The following THSD7B variants were observed in gnomAD, a reference collection of about 807,000 sequenced individuals.
THSD7B encodes the protein thrombospondin type 1 domain containing 7B, also known as thrombospondin type-1 domain-containing protein 7B.
Under a neutral mutation model 213.6 loss-of-function variants are expected in THSD7B, and 138 were observed. That is an observed-to-expected ratio of 0.65 (90% confidence interval 0.56 to 0.74). The LOEUF (loss-of-function observed/expected upper bound fraction) is 0.74. Ranked by LOEUF, THSD7B falls within the 30% of genes least tolerant of loss-of-function variation. The pLI is 0.00. For missense variants in THSD7B, 1,931 were observed against 1,991.5 expected (o/e 0.97, Z 0.58); for synonymous variants, 742 against 687.0 (o/e 1.08, Z -1.25).
In THSD7B at chr2:137,273,025, T is replaced by TACACACACACAC. The variant is rs71877881; in HGVS notation, c.2396+397_2396+408dup. Among the ~76,000 whole-genome samples, 27 of 141,064 alleles carry TACACACACACAC rather than the reference T, an allele frequency of 1.9e-4. No homozygotes were observed. The South Asian group carries it at 2.0e-3, about 10-fold the overall frequency. The allele number at this position is 141,064 out of a possible 152,430, so 92.5% of individuals were successfully genotyped here. ...CACACCACACACACGGGAGAAGGAA[T>TACACACACACAC]ACACACACACACACACACACACACA... On this transcript the variant is annotated intron_variant, in intron 11 of 27. Transcript: ENST00000409968.
At chr2:137,636,742 A>G (rs1682840197) in intron 20 of THSD7B, among the ~76,000 whole-genome samples, 1 of 152,222 alleles carries the variant, frequency 6.6e-6, no homozygotes. Flanking sequence ...AAGTACTTGT[A>G]TGTAGTCATA....
At chr2:137,197,671 G>A (rs1272969625) in intron 7 of THSD7B, among the ~76,000 whole-genome samples, 1 of 152,132 alleles carries the variant, frequency 6.6e-6, no homozygotes, top group Non-Finnish European at 1.5e-5. Flanking sequence ...TAGAAATGCT[G>A]TTGTCAGAGA....
intron 7 of THSD7B, among the ~76,000 whole-genome samples, chr2:137,215,194 C>A (rs1681207874): frequency 6.6e-6 from 1 of 152,168 alleles, no homozygotes; most frequent in South Asian, 2.1e-4. Context: ...TGATGACGAG[C>A]TCTTTTTCAT....
chr2:137,470,059 C>T (rs1235047428), intron 15 of THSD7B, among the ~76,000 whole-genome samples: 1 of 152,100 alleles, frequency 6.6e-6, no homozygotes, highest in Non-Finnish European at 1.5e-5. Context: ...ATCTAGAAGA[C>T]TATTTGAAGG....
chr2:137,459,059 G>C (rs985002774), intron 15 of THSD7B, among the ~76,000 whole-genome samples: 1 of 151,898 alleles, frequency 6.6e-6, no homozygotes. Context: ...TTTGAAATCT[G>C]TGTGTCCTTT....
intron 7 of THSD7B, among the ~76,000 whole-genome samples, chr2:137,194,672 T>G (rs929223728): frequency 1.1e-4 from 16 of 152,208 alleles, no homozygotes; most frequent in Admixed American, 1.0e-3. Flanking sequence ...TTATTCCTAT[T>G]CTATCTTTTG....
intron 5 of THSD7B, among the ~76,000 whole-genome samples, chr2:137,156,546 G>A (rs1679912514): frequency 6.6e-6 from 1 of 152,098 alleles, no homozygotes; most frequent in Non-Finnish European, 1.5e-5. Context: ...TAGTTCTAAT[G>A]TTCAACAGTC....
chr2:137,063,823 T>G (rs1687325418), intron 3 of THSD7B, among the ~76,000 whole-genome samples: 1 of 152,056 alleles, frequency 6.6e-6, no homozygotes, highest in Admixed American at 6.6e-5. Context: ...TCCAGTTCCA[T>G]CCATGTTGGT....
chr2:137,423,145 C>G (rs1441494231), intron 14 of THSD7B, among the ~76,000 whole-genome samples: 1 of 151,746 alleles, frequency 6.6e-6, no homozygotes, highest in African/African-American at 2.4e-5. Flanking sequence ...AAAACAAAAG[C>G]AAGTAGGTAT....
chr2:137,494,150 T>G (rs1679505529), intron 15 of THSD7B, among the ~76,000 whole-genome samples: 1 of 152,216 alleles, frequency 6.6e-6, no homozygotes, highest in Non-Finnish European at 1.5e-5. Context: ...TAATCTTTCC[T>G]GTGGAAAATA....
At position 136,981,407 on chromosome 2, in the gene THSD7B, A is replaced by G. The variant is rs574042454; in HGVS notation, c.140-75013A>G. ...TGCTTATTAGTTGTGAGGGTTCACTATCTACCTTAGGTATTTGGTAATTTA... is the reference window on the plus strand; with the variant it reads ...TGCTTATTAGTTGTGAGGGTTCACTGTCTACCTTAGGTATTTGGTAATTTA... On this transcript the variant is annotated intron_variant, in intron 2 of 27. Transcript: ENST00000409968. 7.9e-5 allele frequency among the ~76,000 whole-genome samples: 12 copies of G among 152,336 alleles called. No homozygotes were observed. In the South Asian group the frequency reaches 1.5e-3, roughly 18 times the overall value.
At chr2:137,413,839 C>T (rs1024683019) in intron 14 of THSD7B, among the ~76,000 whole-genome samples, 1 of 152,004 alleles carries the variant, frequency 6.6e-6, no homozygotes, top group Admixed American at 6.6e-5. Context: ...TACAGACTGA[C>T]TTAAAAGGGG....
chr2:137,191,278 A>G (rs943774796), intron 7 of THSD7B, among the ~76,000 whole-genome samples: 1 of 152,068 alleles, frequency 6.6e-6, no homozygotes, highest in Non-Finnish European at 1.5e-5. Flanking sequence ...TATTCTCTCC[A>G]TGTTAGTTTG....
intron 12 of THSD7B, among the ~76,000 whole-genome samples, chr2:137,289,334 G>A (rs1363397094): frequency 8.6e-5 from 13 of 151,304 alleles, no homozygotes; most frequent in Admixed American, 8.6e-4. Flanking sequence ...TTTATTAAAG[G>A]CTCTTAGATT....
intron 21 of THSD7B, among the ~76,000 whole-genome samples, chr2:137,643,777 G>C (rs1372980260): frequency 1.3e-5 from 2 of 152,150 alleles, no homozygotes; most frequent in African/African-American, 4.8e-5. Flanking sequence ...TTAGGAAGAA[G>C]AGAGAGGACA....
intron 2 of THSD7B, among the ~76,000 whole-genome samples, chr2:137,036,138 G>A (rs950383075): frequency 6.6e-6 from 1 of 152,148 alleles, no homozygotes; most frequent in African/African-American, 2.4e-5. Flanking sequence ...TATCATGAAT[G>A]CTGCAATTCT....
chr2:137,293,388 T>G (rs2104835880), intron 12 of THSD7B, among the ~76,000 whole-genome samples: 1 of 152,214 alleles, frequency 6.6e-6, no homozygotes, highest in Admixed American at 6.5e-5. Context: ...TTTATCTGCC[T>G]TGGCCTCCCC....
At chr2:137,099,261 G>C (rs1191675398) in intron 4 of THSD7B, among the ~76,000 whole-genome samples, 1 of 152,064 alleles carries the variant, frequency 6.6e-6, no homozygotes, top group African/African-American at 2.4e-5. Flanking sequence ...GAGTCATTTA[G>C]GATACCTTGG....
rs183662507 is a variant in THSD7B at position 137,136,559 on chromosome 2, G to A, written c.1369+21266G>A. On this transcript the variant is annotated intron_variant, in intron 5 of 27. Transcript: ENST00000409968. ...AATGGTTGATTCAAGAGACATGAATGGGCACAGTCAGCTATGAAAGGCGTA... is the reference window on the plus strand; with the variant it reads ...AATGGTTGATTCAAGAGACATGAATAGGCACAGTCAGCTATGAAAGGCGTA... 3.3e-5 allele frequency among the ~76,000 whole-genome samples: 5 copies of A among 152,056 alleles called. No homozygotes were observed. The East Asian group carries it at 7.7e-4, about 24-fold the overall frequency.
Sources: allele counts gnomAD v4.1 joint callset (sites outside exome capture counted in the v4.1 genomes callset), GRCh38; gene constraint gnomAD v4.1.1; transcripts MANE v1.5; gene names NCBI Gene and HGNC (gene_info 2026-07-23, HGNC 2026-07-21).